The following MTA3 variants were observed in gnomAD, a reference collection of about 807,000 sequenced individuals.
MTA3 encodes the protein metastasis-associated protein MTA3.
In MTA3, 34 loss-of-function variants were observed where a neutral mutation model predicts 83.5. The ratio of observed to expected loss-of-function variants is 0.41; its 90% confidence interval spans 0.31 to 0.54. The LOEUF is 0.54. Among genes scored for constraint, MTA3 ranks in the 20% least tolerant of loss-of-function variants. The pLI, the probability that MTA3 is intolerant of heterozygous loss-of-function variation, is 0.33. For missense variants in MTA3, 761 were observed against 726.4 expected (o/e 1.05, Z -0.55); for synonymous variants, 303 against 252.7 (o/e 1.20, Z -1.89).
At chr2:42,635,204 T>A (rs1687066235) in intron 4 of MTA3, among the ~76,000 whole-genome samples, 1 of 152,208 alleles carries the variant, frequency 6.6e-6, no homozygotes, top group Non-Finnish European at 1.5e-5. Context: ...GCATCTCTGA[T>A]CTTTATTTTT....
Position 42,755,935 on chromosome 2 carries a change from G to T in MTA3, c.*2536G>T. The T allele has an allele frequency of 4.1e-6, 4 of 985,530 alleles. No homozygotes were observed. The highest frequency in any genetic ancestry group is 4.8e-6 in the Non-Finnish European group (4 of 830,002). 61.0% of individuals were successfully genotyped at this position (985,530 alleles called of 1,614,324 possible). A position where few individuals can be genotyped will look rare whatever the true frequency, so the allele number is the denominator to read the frequency against. On this transcript the variant is annotated 3_prime_UTR_variant, in exon 17 of 17. Transcript: ENST00000405094. ...TAAAGGTGCGCAAGAGAGGAGGGCC[G>T]ACTGGAGGGTGTCGCCGGAAGGTTT... is the stretch of plus-strand genomic sequence containing the variant.
intron 16 of MTA3, among the ~76,000 whole-genome samples, chr2:42,748,277 G>A (rs933411056): frequency 6.6e-6 from 1 of 150,850 alleles, no homozygotes; most frequent in Non-Finnish European, 1.5e-5. Flanking sequence ...TGTTGGCCAG[G>A]ATGGTTTCCA....
chr2:42,563,683 G>A (rs1012741992), upstream of MTA3, among the ~76,000 whole-genome samples: 6 of 151,856 alleles, frequency 4.0e-5, no homozygotes, highest in African/African-American at 1.5e-4. Flanking sequence ...AGCCAGGACG[G>A]TCTCGATCTC....
intron 11 of MTA3, among the ~76,000 whole-genome samples, chr2:42,702,148 T>G (rs1049953201): frequency 6.6e-6 from 1 of 152,014 alleles, no homozygotes; most frequent in African/African-American, 2.4e-5. Context: ...GAGGTGGAGG[T>G]TGCAGTGAGC....
intron 9 of MTA3, among the ~76,000 whole-genome samples, chr2:42,683,205 C>T (rs1173330284): frequency 1.3e-5 from 2 of 152,166 alleles, no homozygotes; most frequent in East Asian, 3.8e-4. Flanking sequence ...CTTTTCTCAC[C>T]ATTTGCGCTA....
chr2:42,737,992 T>C (rs559493340), intron 16 of MTA3, among the ~76,000 whole-genome samples: 1 of 152,340 alleles, frequency 6.6e-6, no homozygotes, highest in East Asian at 1.9e-4. Flanking sequence ...CTGGGAGTGA[T>C]GGCACATATC....
chr2:42,744,067 A>T (rs1669231146), intron 16 of MTA3, among the ~76,000 whole-genome samples: 3 of 152,188 alleles, frequency 2.0e-5, no homozygotes, highest in African/African-American at 7.2e-5. Flanking sequence ...AACCTTTGAG[A>T]TTCAAAAAAA....
chr2:42,618,221 C>T (rs918954246), intron 4 of MTA3, among the ~76,000 whole-genome samples: 4 of 152,202 alleles, frequency 2.6e-5, no homozygotes, highest in South Asian at 2.1e-4. Flanking sequence ...GTGAGTGAAC[C>T]ACCATGCTCT....
chr2:42,720,951 C>CAAAAAAAAAAAAAAAA (rs377702701), intron 15 of MTA3, among the ~76,000 whole-genome samples: 14 of 69,574 alleles, frequency 2.0e-4, no homozygotes, highest in Admixed American at 5.2e-4. Context: ...GACCCTGTCT[C>CAAAAAAAAAAAAAAAA]AAAAAAAAAA....
At chr2:42,673,640 C>G (rs897673248) in intron 8 of MTA3, among the ~76,000 whole-genome samples, 7 of 152,076 alleles carry the variant, frequency 4.6e-5, no homozygotes, top group African/African-American at 1.7e-4. Context: ...GGGATCAGCA[C>G]TTGTGGAATA....
At chr2:42,627,844 C>A (rs778112257) in intron 4 of MTA3, among the ~76,000 whole-genome samples, 14 of 149,420 alleles carry the variant, frequency 9.4e-5, no homozygotes, top group Non-Finnish European at 1.5e-4. Flanking sequence ...TTCCAAAGTG[C>A]TGGGATTACA....
chr2:42,652,165 G>C (rs183943780), intron 6 of MTA3, among the ~76,000 whole-genome samples: 1 of 152,292 alleles, frequency 6.6e-6, no homozygotes. Context: ...TTGCATGGCT[G>C]CCTTGTTACG....
chr2:42,678,780 G>T (rs549259952), intron 8 of MTA3, among the ~76,000 whole-genome samples: 2 of 152,074 alleles, frequency 1.3e-5, no homozygotes, highest in Non-Finnish European at 2.9e-5. Flanking sequence ...GCATCACTGT[G>T]TGTGTGTGTA....
intron 2 of MTA3, among the ~76,000 whole-genome samples, chr2:42,573,917 C>T (rs562803923): frequency 9.2e-4 from 140 of 152,160 alleles, no homozygotes; most frequent in Admixed American, 2.6e-3. Flanking sequence ...CTCCTGGGTT[C>T]ACACCATTCT....
intron 2 of MTA3, among the ~76,000 whole-genome samples, chr2:42,525,200 T>C (rs1450385362): frequency 6.6e-6 from 1 of 151,424 alleles, no homozygotes; most frequent in Admixed American, 6.6e-5. Flanking sequence ...TCTTCTTCTT[T>C]TTTTTTTTTG....
At chr2:42,633,275 C>G (rs1475037786) in intron 4 of MTA3, among the ~76,000 whole-genome samples, 2 of 149,998 alleles carry the variant, frequency 1.3e-5, no homozygotes, top group Non-Finnish European at 3.0e-5. Context: ...GAAAGTCTGT[C>G]TCAAAAAAAA....
At chr2:42,508,762 G>T in intron 2 of MTA3, among the ~76,000 whole-genome samples, 1 of 141,578 alleles carries the variant, frequency 7.1e-6, no homozygotes, top group South Asian at 2.1e-4. Context: ...ATATTATATA[G>T]TATTATATAA....
chr2:42,703,370 A>T (rs1285711624), intron 11 of MTA3: 1 of 152,214 alleles, frequency 6.6e-6, no homozygotes, highest in African/African-American at 2.4e-5. Context: ...CTGAAGTCCT[A>T]AGTGACCTAG....
rs528101600 is a variant in MTA3 at position 42,525,362 on chromosome 2, G to C, written c.-141+30108G>C. On this transcript the variant is annotated intron_variant, in intron 2 of 17. Coordinates refer to the MTA3 transcript ENST00000405592. Reference sequence around the variant, plus strand: ...TTACAGGCACTTACCACCATGCCTGGCTGATTTTTTGTATTTTAGTAGAGA... The same window carrying C: ...TTACAGGCACTTACCACCATGCCTGCCTGATTTTTTGTATTTTAGTAGAGA... 5.9e-5 allele frequency among the ~76,000 whole-genome samples: 9 copies of C among 152,058 alleles called. No homozygotes were observed. In the East Asian group the frequency reaches 1.7e-3, roughly 29 times the overall value.
Sources: gnomAD v4.1 joint callset for allele counts (sites outside exome capture counted in the v4.1 genomes callset) on GRCh38, gnomAD v4.1.1 for gene constraint, MANE v1.5 for transcripts, NCBI Gene and HGNC (gene_info 2026-07-23, HGNC 2026-07-21) for gene names.